Variants in PRKCH observed in about 807,000 individuals in gnomAD.
The protein encoded by PRKCH is protein kinase C eta, also known as protein kinase C eta type.
Under a neutral mutation model 82.5 loss-of-function variants are expected in PRKCH, and 28 were observed. That is an observed-to-expected ratio of 0.34 (90% confidence interval 0.25 to 0.47). The LOEUF (loss-of-function observed/expected upper bound fraction) is 0.47, where lower values mean the gene tolerates loss of function less well. Ranked by LOEUF, PRKCH falls within the 20% of genes least tolerant of loss-of-function variation. PRKCH has a pLI of 1.00. For synonymous variants in PRKCH, 322 were observed against 327.4 expected, an observed-to-expected ratio of 0.98 and a Z score of 0.18; for missense variants, 705 against 881.8, an observed-to-expected ratio of 0.80 and a Z score of 2.54.
chr14:61,296,760 A>G (rs759199097), intron 1 of PRKCH, among the ~76,000 whole-genome samples: 58 of 152,166 alleles, frequency 3.8e-4, no homozygotes, highest in Non-Finnish European at 6.9e-4. Flanking sequence ...ATTTCTAATG[A>G]TTTTGTTTCT....
chr14:61,447,576 A>G (rs1486074114), intron 4 of PRKCH, among the ~76,000 whole-genome samples: 1 of 152,228 alleles, frequency 6.6e-6, no homozygotes, highest in African/African-American at 2.4e-5. Flanking sequence ...AAAAGAAGAG[A>G]AACCATAAAC....
chr14:61,227,626 T>C (rs2044707667), intron 1 of PRKCH, among the ~76,000 whole-genome samples: 1 of 147,932 alleles, frequency 6.8e-6, no homozygotes, highest in Admixed American at 6.7e-5. Context: ...AAATAAAGAT[T>C]GCAGTTGTGA....
chr14:61,207,021 G>A (rs1217776720), intron 1 of PRKCH, among the ~76,000 whole-genome samples: 1 of 142,678 alleles, frequency 7.0e-6, no homozygotes, highest in Non-Finnish European at 1.5e-5. Flanking sequence ...CAGGAGAATC[G>A]CTTGAACCCA....
At position 61,517,582 on chromosome 14, in the gene PRKCH, A is replaced by T. The variant is rs3751292; in HGVS notation, c.1434-11493A>T. The stretch of plus-strand genomic sequence containing the variant: ...GCATTATCCATTTAATAACAGCCAC[A>T]GTGACAGTGCTGATAATGGCTAGCA... On this transcript the variant is annotated intron_variant, in intron 10 of 13. Coordinates refer to ENST00000332981, the MANE Select transcript of PRKCH (RefSeq NM_006255.5). Among the ~76,000 whole-genome samples, 1,139 of 152,328 alleles carry T rather than the reference A, an allele frequency of 7.5e-3. 47 individuals are homozygous for T. In the East Asian group the frequency reaches 0.12, roughly 15 times the overall value.
chr14:61,216,035 A>G (rs1381123298), intron 1 of PRKCH, among the ~76,000 whole-genome samples: 1 of 152,220 alleles, frequency 6.6e-6, no homozygotes, highest in Non-Finnish European at 1.5e-5. Context: ...CAAATTTTAT[A>G]CACCCTGCTG....
chr14:61,235,366 C>CA (rs1164193300), intron 1 of PRKCH, among the ~76,000 whole-genome samples: 101 of 152,346 alleles, frequency 6.6e-4, no homozygotes, highest in African/African-American at 2.4e-3. Flanking sequence ...CAGAGAGTGG[C>CA]ATCATTCCCA....
chr14:61,216,292 T>C (rs1462854581), intron 1 of PRKCH, among the ~76,000 whole-genome samples: 1 of 151,734 alleles, frequency 6.6e-6, no homozygotes, highest in Non-Finnish European at 1.5e-5. Flanking sequence ...ATGGTGAAAT[T>C]CTGTCTCTAC....
At chr14:61,502,165 A>G (rs1309991042) in intron 10 of PRKCH, among the ~76,000 whole-genome samples, 1 of 150,450 alleles carries the variant, frequency 6.6e-6, no homozygotes, top group Admixed American at 6.7e-5. Flanking sequence ...CCCAGGTTCA[A>G]GTGATTCTCC....
chr14:61,500,181 C>T (rs924954092), intron 10 of PRKCH, among the ~76,000 whole-genome samples: 1 of 151,540 alleles, frequency 6.6e-6, no homozygotes, highest in Non-Finnish European at 1.5e-5. Context: ...GTTATTATAG[C>T]TCATGTTACT....
chr14:61,320,562 G>GC (rs1217541371), upstream of PRKCH, among the ~76,000 whole-genome samples: 1 of 152,058 alleles, frequency 6.6e-6, no homozygotes, highest in African/African-American at 2.4e-5. Flanking sequence ...TGGCGCCATT[G>GC]CACTCCAGCC....
chr14:61,504,442 G>A (rs542953451), intron 10 of PRKCH, among the ~76,000 whole-genome samples: 17 of 152,106 alleles, frequency 1.1e-4, no homozygotes, highest in African/African-American at 2.7e-4. Flanking sequence ...TACTCACCTC[G>A]GCCTCCCAAA....
intron 12 of PRKCH, among the ~76,000 whole-genome samples, chr14:61,533,676 A>G (rs1274620029): frequency 6.6e-6 from 1 of 152,278 alleles, no homozygotes; most frequent in East Asian, 1.9e-4. Context: ...TAATTCTTCC[A>G]TGCCTCAGCA....
chr14:61,505,430 G>A (rs140725516), intron 10 of PRKCH, among the ~76,000 whole-genome samples: 47 of 98,794 alleles, frequency 4.8e-4, no homozygotes, highest in African/African-American at 1.7e-3. Flanking sequence ...TTTTTGAGGT[G>A]GAGTCTTGCT....
chr14:61,536,730 G>A (rs2043114718), intron 12 of PRKCH, among the ~76,000 whole-genome samples: 1 of 152,144 alleles, frequency 6.6e-6, no homozygotes. Context: ...TCAGGGTTGG[G>A]GAGGGTGTGT....
chr14:61,364,919 C>T lies in PRKCH; in HGVS notation c.364-26306C>T, dbSNP rs573477096. Among the ~76,000 whole-genome samples, 43 of 151,902 alleles carry T rather than the reference C, an allele frequency of 2.8e-4. No individual in the cohort carries two copies. In the South Asian group the frequency reaches 8.1e-3, roughly 29 times the overall value. On this transcript the variant is annotated intron_variant, in intron 1 of 13. Coordinates refer to ENST00000332981, the MANE Select transcript of PRKCH (RefSeq NM_006255.5). ...CCTAAGAGGATAGAAGGAAGCAGTT[C>T]GTAGACCTGGATGGCTTGTATGGTT...
At position 61,522,181 on chromosome 14, in the gene PRKCH, G is replaced by T. The variant is rs79429180; in HGVS notation, c.1434-6894G>T. Among the ~76,000 whole-genome samples, 339 of 152,186 alleles carry T rather than the reference G, an allele frequency of 2.2e-3. 1 individual carries two copies. Among genetic ancestry groups the T allele is most frequent in the African/African-American group, 7.9e-3 (327 of 41,494 alleles). ...TGCTAAATCCCATTGCTTTCCCCCA[G>T]TAGTTCTTGACACATCTAGTTCTCT... On this transcript the variant is annotated intron_variant, in intron 10 of 13. Transcript: ENST00000332981.
At chr14:61,459,257 C>T (rs904173237) in intron 9 of PRKCH, among the ~76,000 whole-genome samples, 1 of 152,114 alleles carries the variant, frequency 6.6e-6, no homozygotes, top group Non-Finnish European at 1.5e-5. Flanking sequence ...TCCACGAGAG[C>T]GGGATAGGGG....
At chr14:61,361,855 G>A (rs561196647) in intron 1 of PRKCH, among the ~76,000 whole-genome samples, 1 of 152,012 alleles carries the variant, frequency 6.6e-6, no homozygotes, top group African/African-American at 2.4e-5. Context: ...GATTACATTT[G>A]GTTTATTTAA....
At chr14:61,215,964 A>G (rs1375658320) in intron 1 of PRKCH, among the ~76,000 whole-genome samples, 1 of 152,232 alleles carries the variant, frequency 6.6e-6, no homozygotes. Context: ...CAGGAGAACA[A>G]CAAGGGCTTC....
Sources: allele counts gnomAD v4.1 joint callset (sites outside exome capture counted in the v4.1 genomes callset), GRCh38; gene constraint gnomAD v4.1.1; transcripts MANE v1.5; gene names NCBI Gene and HGNC (gene_info 2026-07-23, HGNC 2026-07-21).